The following COLEC12 variants were observed in gnomAD, a reference collection of about 807,000 sequenced individuals.
COLEC12 encodes the protein collectin-12.
COLEC12 carries 33 observed loss-of-function variants against 71.1 expected under a neutral mutation model. That is an observed-to-expected ratio of 0.46 (90% CI 0.35 to 0.62). The LOEUF is 0.62. Ranked by LOEUF, COLEC12 falls within the 20% of genes least tolerant of loss-of-function variation. The probability of loss-of-function intolerance (pLI) is 0.00; values close to 1 mark genes in which losing one functional copy is unlikely to be tolerated. For synonymous variants in COLEC12, 350 were observed against 353.0 expected, an observed-to-expected ratio of 0.99 and a Z score of 0.10; for missense variants, 765 against 916.1, an observed-to-expected ratio of 0.84 and a Z score of 2.13.
At chr18:391,100 C>T (rs1383818693) in intron 2 of COLEC12, among the ~76,000 whole-genome samples, 2 of 152,124 alleles carry the variant, frequency 1.3e-5, no homozygotes, top group African/African-American at 4.8e-5. Flanking sequence ...GTTTTCTAAA[C>T]CAAAGTCTCA....
At chr18:453,439 C>T (rs1026210384) in intron 2 of COLEC12, among the ~76,000 whole-genome samples, 4 of 152,200 alleles carry the variant, frequency 2.6e-5, no homozygotes, top group Non-Finnish European at 5.9e-5. Flanking sequence ...CAGCTACCCA[C>T]ATGCAGAGAT....
chr18:450,619 A>G (rs1416646227), intron 2 of COLEC12, among the ~76,000 whole-genome samples: 1 of 152,222 alleles, frequency 6.6e-6, no homozygotes, highest in East Asian at 1.9e-4. Flanking sequence ...ACCTAGTCTC[A>G]GGTATTTCTT....
intron 2 of COLEC12, among the ~76,000 whole-genome samples, chr18:473,922 A>C (rs1917253124): frequency 6.6e-6 from 1 of 152,130 alleles, no homozygotes; most frequent in South Asian, 2.1e-4. Flanking sequence ...TCTCCTTCCC[A>C]CAGCCCTACC....
At chr18:432,843 T>C (rs913191382) in intron 2 of COLEC12, among the ~76,000 whole-genome samples, 1 of 152,184 alleles carries the variant, frequency 6.6e-6, no homozygotes, top group African/African-American at 2.4e-5. Context: ...TAAAGTGCCA[T>C]ATTTATTTTG....
chr18:357,715 T>C (rs1373076113), intron 2 of COLEC12, among the ~76,000 whole-genome samples, 193 bp from the exon 3 acceptor site: 1 of 152,274 alleles, frequency 6.6e-6, no homozygotes, highest in Non-Finnish European at 1.5e-5. Flanking sequence ...TCTATTGTTA[T>C]AGCTGTATTT....
intron 5 of COLEC12, among the ~76,000 whole-genome samples, chr18:339,580 CCTGT>C (rs2143452453): frequency 6.6e-6 from 1 of 152,258 alleles, no homozygotes; most frequent in African/African-American, 2.4e-5. Flanking sequence ...AAATAGGTTA[CCTGT>C]CTTTCTCTTA....
chr18:468,781 TAA>T (rs1917137112), intron 2 of COLEC12, among the ~76,000 whole-genome samples: 1 of 152,238 alleles, frequency 6.6e-6, no homozygotes, highest in Non-Finnish European at 1.5e-5. Flanking sequence ...CAAGAAAATT[TAA>T]AGACTGGCGG....
intron 2 of COLEC12, among the ~76,000 whole-genome samples, chr18:473,448 C>T (rs1019610475): frequency 8.5e-5 from 13 of 152,208 alleles, no homozygotes; most frequent in Middle Eastern, 3.4e-3. Flanking sequence ...CTGCAACCTC[C>T]GCCTCCCAGG....
chr18:432,335 G>A (rs1410221115), intron 2 of COLEC12, among the ~76,000 whole-genome samples: 83 of 152,010 alleles, frequency 5.5e-4, no homozygotes, highest in Admixed American at 2.0e-4. Context: ...AAAATACAGC[G>A]AAAGAGGAAA....
intron 2 of COLEC12, among the ~76,000 whole-genome samples, chr18:453,398 GC>G (rs1391348901): frequency 6.6e-6 from 1 of 152,266 alleles, no homozygotes; most frequent in East Asian, 1.9e-4. Flanking sequence ...AAAATTATCA[GC>G]CAGTTTCCCC....
intron 2 of COLEC12, among the ~76,000 whole-genome samples, chr18:430,348 T>G (rs1916279728): frequency 6.6e-6 from 1 of 151,786 alleles, no homozygotes; most frequent in South Asian, 2.1e-4. Context: ...AAAAAAAAAT[T>G]AGAAGAAAGA....
At chr18:416,393 G>C (rs1040109221) in intron 2 of COLEC12, among the ~76,000 whole-genome samples, 2 of 152,216 alleles carry the variant, frequency 1.3e-5, no homozygotes, top group African/African-American at 2.4e-5. Flanking sequence ...AAAGCAGGAT[G>C]AATCAGGTCA....
intron 1 of COLEC12, among the ~76,000 whole-genome samples, chr18:498,824 G>A (rs902784776): frequency 2.0e-5 from 3 of 152,158 alleles, no homozygotes; most frequent in Non-Finnish European, 4.4e-5. Context: ...CCAGAATGCA[G>A]CATAAATCTC....
intron 2 of COLEC12, among the ~76,000 whole-genome samples, chr18:434,014 T>C (rs904304657): frequency 6.8e-6 from 1 of 147,594 alleles, no homozygotes; most frequent in Non-Finnish European, 1.5e-5. Context: ...CAGCTTATAA[T>C]CTTCCAAACA....
Position 373,405 on chromosome 18 carries a change from G to A in COLEC12, c.59-15883C>T, listed in dbSNP as rs144471263. On this transcript the variant is annotated intron_variant, in intron 2 of 9. Coordinates refer to ENST00000400256, the MANE Select transcript of COLEC12 (RefSeq NM_130386.3). ...ACATGGTGGGGAAAAAGGGCCATGTGGACACATGGAAACGGATTCGGGCAG... is the reference window on the plus strand; with the variant it reads ...ACATGGTGGGGAAAAAGGGCCATGTAGACACATGGAAACGGATTCGGGCAG... Among the ~76,000 whole-genome samples, 494 of 152,226 alleles carry A rather than the reference G, an allele frequency of 3.2e-3. 4 individuals carry two copies. Among genetic ancestry groups the A allele is most frequent in the African/African-American group, 0.011 (472 of 41,548 alleles).
intron 2 of COLEC12, among the ~76,000 whole-genome samples, chr18:359,541 TA>T (rs1311930337): frequency 6.6e-6 from 1 of 152,216 alleles, no homozygotes; most frequent in African/African-American, 2.4e-5. Context: ...TTTTTACTGC[TA>T]AAAGGTCGTT....
chr18:333,949 G>A (rs892711133), intron 6 of COLEC12: 1 of 152,562 alleles, frequency 6.6e-6, no homozygotes, highest in African/African-American at 2.4e-5. Context: ...GCAAGACTGA[G>A]GCAGGAGGGT....
intron 2 of COLEC12, among the ~76,000 whole-genome samples, chr18:373,699 CCAGGGCCTGGGAGAAGCAG>C (rs1915051510): frequency 6.6e-6 from 1 of 152,086 alleles, no homozygotes; most frequent in South Asian, 2.1e-4. Flanking sequence ...TGATAGAACC[CCAGGGCCTGGGAGAAGCAG>C]CAGCCCCCCA....
Position 357,426 on chromosome 18 carries a change from A to C in COLEC12, c.155T>G (p.Ile52Ser). The stretch of plus-strand genomic sequence containing the variant: ...TTTATATCCCAAAATGGCTACTGTG[A>C]TTGTTAGCAAGGCACACAAAATGTA... ...LLYILCALLTITVAILGYKVV... is the reference protein window; with the variant it reads ...LLYILCALLTSTVAILGYKVV... Residue 52 changes from isoleucine (I) to serine (S), a missense_variant, in exon 3 of 10, where the codon ATC becomes AGC. Transcript: ENST00000400256. The C allele has an allele frequency of 6.2e-7, 1 of 1,602,232 alleles. No individual in the cohort carries two copies. Among genetic ancestry groups the C allele is most frequent in the Non-Finnish European group, 8.5e-7 (1 of 1,176,472 alleles).
Sources: allele counts gnomAD v4.1 joint callset (sites outside exome capture counted in the v4.1 genomes callset), GRCh38; gene constraint gnomAD v4.1.1; transcripts MANE v1.5; gene names NCBI Gene and HGNC (gene_info 2026-07-23, HGNC 2026-07-21).